CSNK1G3: variants seen among roughly 807,000 people sequenced by gnomAD.
CSNK1G3 encodes the protein casein kinase 1 gamma 3, also known as casein kinase I isoform gamma-3.
In CSNK1G3, 23 loss-of-function variants were observed where a neutral mutation model predicts 64.3. That is an observed-to-expected ratio of 0.36 (90% CI 0.26 to 0.51). CSNK1G3 has a LOEUF of 0.51. Ranked by LOEUF, CSNK1G3 falls within the 20% of genes least tolerant of loss-of-function variation. The pLI is 0.96. For missense variants in CSNK1G3, 357 were observed against 510.5 expected, an observed-to-expected ratio of 0.70 and a Z score of 2.90; for synonymous variants, 158 against 162.2, an observed-to-expected ratio of 0.97 and a Z score of 0.20.
intron 1 of CSNK1G3, among the ~76,000 whole-genome samples, chr5:123,537,156 G>C (rs115408434): frequency 0.02 from 3,000 of 152,180 alleles, 104 homozygotes; most frequent in African/African-American, 0.069. Flanking sequence ...TGGCAGCACT[G>C]TTCACAATAG....
chr5:123,566,696 G>A (rs1786952860), intron 4 of CSNK1G3, among the ~76,000 whole-genome samples: 2 of 152,194 alleles, frequency 1.3e-5, no homozygotes, highest in African/African-American at 4.8e-5. Flanking sequence ...TAAAAAAACT[G>A]TCCAGACTTG....
At chr5:123,551,723 CAT>C (rs1783687829) in intron 2 of CSNK1G3, among the ~76,000 whole-genome samples, 1 of 152,034 alleles carries the variant, frequency 6.6e-6, no homozygotes, top group Admixed American at 6.6e-5. Context: ...TCACATGTGT[CAT>C]AGTTGTTGAT....
At chr5:123,583,113 A>G (rs911515020) in intron 6 of CSNK1G3, among the ~76,000 whole-genome samples, 2 of 152,208 alleles carry the variant, frequency 1.3e-5, no homozygotes, top group Non-Finnish European at 2.9e-5. Context: ...CCCCTTGGAT[A>G]GAATTCAAAG....
At chr5:123,590,320 TTA>T (rs1457280910) in intron 8 of CSNK1G3, 88 bp from the exon 9 acceptor site, 2 of 545,226 alleles carry the variant, frequency 3.7e-6, no homozygotes, top group Non-Finnish European at 5.6e-6. Context: ...TCAAGTGTTT[TTA>T]TATAATACAA....
At chr5:123,518,756 T>A (rs997667767) in intron 1 of CSNK1G3, among the ~76,000 whole-genome samples, 1 of 152,086 alleles carries the variant, frequency 6.6e-6, no homozygotes, top group Non-Finnish European at 1.5e-5. Flanking sequence ...CTGAGTTAGA[T>A]GGAAGAGGGA....
At chr5:123,541,314 T>C (rs560016746) in intron 1 of CSNK1G3, among the ~76,000 whole-genome samples, 10 of 152,348 alleles carry the variant, frequency 6.6e-5, no homozygotes, top group African/African-American at 2.4e-4. Context: ...AATCCTTTGT[T>C]TTGATGTCCA....
intron 2 of CSNK1G3, among the ~76,000 whole-genome samples, chr5:123,550,650 T>C (rs1783452900): frequency 1.3e-5 from 2 of 152,362 alleles, no homozygotes; most frequent in South Asian, 4.1e-4. Context: ...AAGTTTAATA[T>C]GGCACAATGC....
At chr5:123,548,724 A>G (rs1184327503) in intron 2 of CSNK1G3, among the ~76,000 whole-genome samples, 1 of 151,778 alleles carries the variant, frequency 6.6e-6, no homozygotes, top group East Asian at 1.9e-4. Context: ...TGGACAATAT[A>G]GTGAGATCCT....
chr5:123,559,341 T>C (rs1322784602), intron 4 of CSNK1G3, among the ~76,000 whole-genome samples: 2 of 152,300 alleles, frequency 1.3e-5, no homozygotes, highest in East Asian at 3.9e-4. Flanking sequence ...AATGAGTTAG[T>C]CAGTTTAGAG....
chr5:123,605,512 A>G (rs2151167752), intron 12 of CSNK1G3, 150 bp downstream of exon 13: 1 of 829,294 alleles, frequency 1.2e-6, no homozygotes, highest in Admixed American at 3.3e-5. Flanking sequence ...TCATTAAGAT[A>G]GCTCTGAAAA....
chr5:123,519,840 A>C (rs1025619933), intron 1 of CSNK1G3, among the ~76,000 whole-genome samples: 2 of 152,192 alleles, frequency 1.3e-5, no homozygotes, highest in African/African-American at 4.8e-5. Context: ...TTATATCCTA[A>C]TTACTAGTGG....
At chr5:123,540,201 A>G (rs1194019856) in intron 1 of CSNK1G3, among the ~76,000 whole-genome samples, 1 of 151,866 alleles carries the variant, frequency 6.6e-6, no homozygotes, top group Non-Finnish European at 1.5e-5. Flanking sequence ...GAGTGTATCT[A>G]GTGAAGTTTT....
intron 6 of CSNK1G3, among the ~76,000 whole-genome samples, chr5:123,579,885 G>A (rs1198497692): frequency 6.6e-6 from 1 of 151,660 alleles, no homozygotes; most frequent in Non-Finnish European, 1.5e-5. Flanking sequence ...GGAGTAGGTG[G>A]GTAATATTAA....
chr5:123,572,222 C>T (rs1788264448), intron 4 of CSNK1G3, among the ~76,000 whole-genome samples: 2 of 152,102 alleles, frequency 1.3e-5, no homozygotes, highest in Admixed American at 6.5e-5. Flanking sequence ...TCATCTCCTT[C>T]CCTAGCTCTG....
chr5:123,565,482 A>G (rs1328082160), intron 4 of CSNK1G3, among the ~76,000 whole-genome samples: 3 of 152,226 alleles, frequency 2.0e-5, no homozygotes, highest in Non-Finnish European at 4.4e-5. Context: ...ATTTCTAGCC[A>G]CAATTTAGGT....
chr5:123,518,829 A>G (rs977191386), intron 1 of CSNK1G3, among the ~76,000 whole-genome samples: 1 of 152,186 alleles, frequency 6.6e-6, no homozygotes, highest in African/African-American at 2.4e-5. Flanking sequence ...GAGAGATGAT[A>G]AATAGTGATC....
At chr5:123,578,238 G>C (rs1789550128) in intron 6 of CSNK1G3, among the ~76,000 whole-genome samples, 1 of 151,868 alleles carries the variant, frequency 6.6e-6, no homozygotes, top group South Asian at 2.1e-4. Context: ...GAAACTGCCT[G>C]TCTGTTCTCA....
intron 1 of CSNK1G3, among the ~76,000 whole-genome samples, chr5:123,537,093 C>A (rs1396621818): frequency 1.3e-5 from 2 of 152,080 alleles, no homozygotes; most frequent in East Asian, 1.9e-4. Context: ...TGGGTATCTA[C>A]CCAAAGGAAG....
At chr5:123,561,096 C>T (rs1320102662) in intron 4 of CSNK1G3, among the ~76,000 whole-genome samples, 1 of 152,078 alleles carries the variant, frequency 6.6e-6, no homozygotes, top group Non-Finnish European at 1.5e-5. Context: ...CCTGTAAATC[C>T]ATGTTTCTTT....
Sources: gnomAD v4.1 joint callset for allele counts (sites outside exome capture counted in the v4.1 genomes callset) on GRCh38, gnomAD v4.1.1 for gene constraint, MANE v1.5 for transcripts, NCBI Gene and HGNC (gene_info 2026-07-23, HGNC 2026-07-21) for gene names.